MEGF8: variants seen among roughly 807,000 people sequenced by gnomAD.
The protein encoded by MEGF8 is multiple epidermal growth factor-like domains protein 8.
In MEGF8, 156 loss-of-function variants were observed where a neutral mutation model predicts 302.9. The observed-to-expected ratio is 0.52, with a 90% confidence interval of 0.45 to 0.59. The LOEUF is 0.59. MEGF8 is among the 20% of genes least tolerant of loss of function. The pLI, the probability that MEGF8 is intolerant of heterozygous loss-of-function variation, is 0.00. For synonymous variants in MEGF8, 1,621 were observed against 1,660.5 expected (o/e 0.98, Z 0.58); for missense variants, 3,345 against 3,964.5 (o/e 0.84, Z 4.20).
At chr19:42,337,636 C>T (rs555597389) in intron 8 of MEGF8, among the ~76,000 whole-genome samples, 44 of 149,960 alleles carry the variant, frequency 2.9e-4, no homozygotes, top group African/African-American at 1.1e-3. Flanking sequence ...CCTCCTGCAT[C>T]GCTGGGACTA....
At chr19:42,364,169 C>T (rs2039572117) in intron 35 of MEGF8, among the ~76,000 whole-genome samples, 2 of 152,084 alleles carry the variant, frequency 1.3e-5, no homozygotes, top group Admixed American at 6.6e-5. Context: ...ATGTGTGTAC[C>T]CGTGACAGTC....
rs141012939 is a variant in MEGF8, at chr19:42,355,084, G to A, written c.4144+364G>A. 1.4e-3 allele frequency among the ~76,000 whole-genome samples: 206 copies of A among 152,254 alleles called. 2 individuals carry two copies. The highest frequency in any genetic ancestry group is 4.5e-3 in the African/African-American group (186 of 41,546). On this transcript the variant is annotated intron_variant, in intron 23 of 41. Transcript: ENST00000251268. ...CGATTCTCCTGCCTCAGCCTCCCGA[G>A]TAGCTGGGATTACAGGCGCATGCCA...
chr19:42,350,932 A>G (rs1177398574), intron 15 of MEGF8, among the ~76,000 whole-genome samples: 2 of 151,826 alleles, frequency 1.3e-5, no homozygotes, highest in African/African-American at 4.8e-5. Context: ...AGTTGTGGGG[A>G]GGGAATGTGG....
chr19:42,340,662 TTAC>T (rs919044354), intron 8 of MEGF8, among the ~76,000 whole-genome samples: 7 of 150,232 alleles, frequency 4.7e-5, no homozygotes, highest in African/African-American at 1.7e-4. Flanking sequence ...ATTATTGTTG[TTAC>T]TATTTTGTTT....
Position 42,369,451 on chromosome 19 carries a change from T to A in MEGF8, c.6642-80T>A. 1 of 1,416,506 alleles carries A rather than the reference T, an allele frequency of 7.1e-7. No homozygotes were observed. Among genetic ancestry groups the A allele is most frequent in the Non-Finnish European group, 9.6e-7 (1 of 1,036,922 alleles). The allele number at this position is 1,416,506 out of a possible 1,614,324, so 87.7% of individuals were successfully genotyped here. ...GATGAGCAACCAGTTGAGAAGAGGG[T>A]GGGGTAGTTGGTTGGGTGCTAGGCC... On this transcript the variant is annotated intron_variant, in intron 37 of 41. Transcript: ENST00000251268. This position sits in a 1 kb window ranked among gnomAD's most constrained non-coding sequence, Gnocchi z 5.7.
chr19:42,370,713 G>A lies in MEGF8; in HGVS notation c.7018G>A (p.Val2340Met), dbSNP rs367851164. 6.3e-7 allele frequency: 1 copy of A among 1,593,264 alleles called. No individual in the cohort carries two copies. Among genetic ancestry groups the A allele is most frequent in the Non-Finnish European group, 8.5e-7 (1 of 1,169,996 alleles). Reference protein sequence around the residue: ...SLDPEEIENWVTEGPSEDEAV... With the variant: ...SLDPEEIENWMTEGPSEDEAV... ...CTTCCTTGGCCAGATTGAAAACTGG[G>A]TGACAGAGGGTCCTAGTGAAGACGA... The change falls in exon 40 of 42, where the codon GTG (valine) becomes ATG (methionine). Residue 2340 changes from valine (V) to methionine (M), a missense_variant. Val to Met is a conservative substitution (Grantham distance 21). Coordinates refer to ENST00000251268, the MANE Select transcript of MEGF8 (RefSeq NM_001271938.2).
At chr19:42,366,117 G>A (rs1348144530) in intron 35 of MEGF8, among the ~76,000 whole-genome samples, 1 of 152,150 alleles carries the variant, frequency 6.6e-6, no homozygotes, top group African/African-American at 2.4e-5. Flanking sequence ...AGATTCCACC[G>A]CACAAATCAA....
chr19:42,357,305 T>G lies in MEGF8; in HGVS notation c.4831-99T>G, dbSNP rs1392086972. 2.3e-5 allele frequency: 32 copies of G among 1,405,262 alleles called. No homozygotes were observed. Among genetic ancestry groups the G allele is most frequent in the Non-Finnish European group, 1.8e-5 (18 of 1,025,280 alleles). The allele number at this position is 1,405,262 out of a possible 1,614,324, so 87.0% of individuals were successfully genotyped here. ...CCTGGGGGGGTCATTCCCTCCTTAG[T>G]ACTTCAGGGAGGACTGTGGGGGGCT... is the stretch of plus-strand genomic sequence containing the variant. On this transcript the variant is annotated intron_variant, in intron 27 of 41. Transcript: ENST00000251268. This position sits in a 1 kb window ranked among gnomAD's most constrained non-coding sequence, Gnocchi z 5.2.
rs771693018 is a variant in MEGF8, at chr19:42,351,322, C to A, written c.2843C>A (p.Pro948Gln). 6.4e-7 allele frequency: 1 copy of A among 1,567,576 alleles called. No homozygotes were observed. Residue 948 changes from proline to glutamine, a missense_variant, in exon 16 of 42, where the codon CCG (proline) becomes CAG (glutamine). By Grantham distance (76) the Pro-to-Gln change is moderately conservative. Transcript: ENST00000251268. This position sits in a 1 kb window ranked among gnomAD's most constrained non-coding sequence, Gnocchi z 5.6. ...CTGAAGAGTCCAGAGGAGTGTCCCC[C>A]GCTCTGCAGCCAGTGAGTCAGGCTG... ...GALKSPEECP[P>Q]LCSQRLTCED... is the part of the protein sequence containing the mutation.
chr19:42,363,185 A>T lies in MEGF8; in HGVS notation c.6196A>T (p.Asn2066Tyr), dbSNP rs1216867449. The T allele has an allele frequency of 6.2e-7, 1 of 1,612,098 alleles. No individual in the cohort carries two copies. Among genetic ancestry groups the T allele is most frequent in the Non-Finnish European group, 8.5e-7 (1 of 1,179,202 alleles). Residue 2066 changes from asparagine to tyrosine, a missense_variant, in exon 35 of 42, where the codon AAC (asparagine) becomes TAC (tyrosine). Physicochemically the swap from Asn to Tyr is moderately radical, Grantham distance 143. Coordinates refer to ENST00000251268, the MANE Select transcript of MEGF8 (RefSeq NM_001271938.2). ...PCPTPCHLLP[N>Y]CTSCLDSKGA... Reference sequence around the variant, plus strand: ...CCCCACCCCTTGTCACCTCCTACCCAACTGTACCTCCTGCCTGGACTCTAA... The same window carrying T: ...CCCCACCCCTTGTCACCTCCTACCCTACTGTACCTCCTGCCTGGACTCTAA...
Position 42,326,500 on chromosome 19 carries a change from C to A in MEGF8, c.187+70C>A, listed in dbSNP as rs1250209366. 5 of 1,460,432 alleles carry A rather than the reference C, an allele frequency of 3.4e-6. No homozygotes were observed. In the East Asian group the frequency reaches 1.5e-4, roughly 43 times the overall value. The allele number at this position is 1,460,432 out of a possible 1,614,324, so 90.5% of individuals were successfully genotyped here. On this transcript the variant is annotated intron_variant, in intron 1 of 41. Transcript: ENST00000251268. Reference sequence around the variant, plus strand: ...ATTCATGTGTGCATTCATCCACTCACCACATTCCCAGAGCTCGGTTCTGGT... The same window carrying A: ...ATTCATGTGTGCATTCATCCACTCAACACATTCCCAGAGCTCGGTTCTGGT...
Position 42,369,524 on chromosome 19 carries a change from C to T in MEGF8, c.6642-7C>T, listed in dbSNP as rs1239232340. ...CACCTGCCCTGACCCCCACTTTGCCCCTGCAGCATGACAGGGCTGTGCCGC... is the reference window on the plus strand; with the variant it reads ...CACCTGCCCTGACCCCCACTTTGCCTCTGCAGCATGACAGGGCTGTGCCGC... On this transcript the variant is annotated splice_polypyrimidine_tract_variant and splice_region_variant and intron_variant, in intron 37 of 41. Transcript: ENST00000251268. The surrounding 1 kb of genome is among the most constrained non-coding windows in gnomAD (Gnocchi z 5.7). The T allele has an allele frequency of 1.2e-6, 2 of 1,600,946 alleles. No homozygotes were observed. The highest frequency in any genetic ancestry group is 2.2e-5 in the South Asian group (2 of 90,818).
rs1261987966 is a variant in MEGF8, at chr19:42,350,771, GGCTCTAAGTCCCT to G, written c.2736+393_2736+405del. Among the ~76,000 whole-genome samples, 3 of 152,182 alleles carry G rather than the reference GGCTCTAAGTCCCT, an allele frequency of 2.0e-5. No homozygotes were observed. In the South Asian group the frequency reaches 6.2e-4, roughly 31 times the overall value. ...TGGCAAGGGAGCCGTTAAGGGTCCA[GGCTCTAAGTCCCT>G]GCTCTGTCTCAAACAGAGTGAGGCT... On this transcript the variant is annotated intron_variant, in intron 15 of 41. Transcript: ENST00000251268.
chr19:42,352,802 C>A lies in MEGF8; in HGVS notation c.3351-126C>A. 1.3e-6 allele frequency: 1 copy of A among 743,704 alleles called. No individual in the cohort carries two copies. The highest frequency in any genetic ancestry group is 2.2e-6 in the Non-Finnish European group (1 of 450,606). The allele number at this position is 743,704 out of a possible 1,614,324, so 46.1% of individuals were successfully genotyped here. The stretch of plus-strand genomic sequence containing the variant: ...GAGTTACCTTGGAGACAGGGTCACC[C>A]ACATAGCCCAAAACCATGGAAACAG... On this transcript the variant is annotated intron_variant, in intron 19 of 41. Transcript: ENST00000251268. The surrounding 1 kb of genome is among the most constrained non-coding windows in gnomAD (Gnocchi z 4.4).
At position 42,350,403 on chromosome 19, in the gene MEGF8, G is replaced by A. The variant is rs1323555705; in HGVS notation, c.2736+19G>A. The A allele has an allele frequency of 5.4e-6, 8 of 1,490,340 alleles. No homozygotes were observed. Among genetic ancestry groups the A allele is most frequent in the Middle Eastern group, 4.4e-4 (2 of 4,560 alleles). 92.3% of individuals were successfully genotyped at this position (1,490,340 alleles called of 1,614,324 possible). On this transcript the variant is annotated intron_variant, in intron 15 of 41. Coordinates refer to ENST00000251268, the MANE Select transcript of MEGF8 (RefSeq NM_001271938.2). ...CACCCAGGTGCCTGTGGGGCCACCA[G>A]GGGAGGTCACAAGGTGGAGGGAGCC...
In MEGF8 at chr19:42,356,465, C is replaced by A. The variant is rs767779687; in HGVS notation, c.4622+12C>A. 6.4e-7 allele frequency: 1 copy of A among 1,569,806 alleles called. No individual in the cohort carries two copies. Among genetic ancestry groups the A allele is most frequent in the South Asian group, 1.2e-5 (1 of 85,160 alleles). On this transcript the variant is annotated intron_variant, in intron 26 of 41. Transcript: ENST00000251268. This position sits in a 1 kb window ranked among gnomAD's most constrained non-coding sequence, Gnocchi z 5.2. ...GGAAACCTGTACAGGTGAGGACTGC[C>A]CTGGGCAGGTGGGATTCGCAAATAA...
rs988923991 is a variant in MEGF8, at chr19:42,369,658, C to T, written c.6769C>T (p.Arg2257Cys). The change falls in exon 38 of 42, where the codon CGC becomes TGC. Residue 2257 changes from arginine (R) to cysteine (C), a missense_variant. By Grantham distance (180) the Arg-to-Cys change is radical (BLOSUM62 -3). Transcript: ENST00000251268. This position sits in a 1 kb window ranked among gnomAD's most constrained non-coding sequence, Gnocchi z 5.7. Reference sequence around the variant, plus strand: ...CTGCTCCACGGAATGCCGCTGCAACCGCCACAGTGAATGCGCTGGTGTTGG... The same window carrying T: ...CTGCTCCACGGAATGCCGCTGCAACTGCCACAGTGAATGCGCTGGTGTTGG... ...RNCSTECRCNRHSECAGVGAR... is the reference protein window; with the variant it reads ...RNCSTECRCNCHSECAGVGAR... 6 of 1,613,024 alleles carry T rather than the reference C, an allele frequency of 3.7e-6. No individual in the cohort carries two copies. The highest frequency in any genetic ancestry group is 5.1e-6 in the Non-Finnish European group (6 of 1,179,740).
intron 8 of MEGF8, among the ~76,000 whole-genome samples, chr19:42,338,888 G>A (rs1241684951): frequency 1.6e-5 from 2 of 126,462 alleles, no homozygotes; most frequent in Non-Finnish European, 3.1e-5. Flanking sequence ...AGGCTGGAGT[G>A]CAGTGGCGGG....
chr19:42,357,075 A>G lies in MEGF8; in HGVS notation c.4830+94A>G. Reference sequence around the variant, plus strand: ...TCCTGCCAGCTCCATCCCCAGAGGAAACAGAAGCCCCAAACTTGAATTTCC... The same window carrying G: ...TCCTGCCAGCTCCATCCCCAGAGGAGACAGAAGCCCCAAACTTGAATTTCC... On this transcript the variant is annotated intron_variant, in intron 27 of 41. Transcript: ENST00000251268. The surrounding 1 kb of genome is among the most constrained non-coding windows in gnomAD (Gnocchi z 5.2). The G allele has an allele frequency of 7.7e-7, 1 of 1,297,196 alleles. No individual in the cohort carries two copies. The highest frequency in any genetic ancestry group is 1.0e-6 in the Non-Finnish European group (1 of 957,104). 80.4% of individuals were successfully genotyped at this position (1,297,196 alleles called of 1,614,324 possible).
Sources: gnomAD v4.1 joint callset for allele counts (sites outside exome capture counted in the v4.1 genomes callset) on GRCh38, gnomAD v4.1.1 for gene constraint, Gnocchi (gnomAD v3.1) non-coding constraint, MANE v1.5 for transcripts, NCBI Gene and HGNC (gene_info 2026-07-23, HGNC 2026-07-21) for gene names.